Variants in C3orf20 observed in about 807,000 individuals in gnomAD.
C3orf20 encodes the protein family with sequence similarity 149 member C.
Under a neutral mutation model 88.3 loss-of-function variants are expected in C3orf20, and 76 were observed. That is an observed-to-expected ratio of 0.86 (90% CI 0.72 to 1.04). C3orf20 has a LOEUF of 1.04. Among genes scored for constraint, C3orf20 ranks in the 50% least tolerant of loss-of-function variants. C3orf20 has a pLI of 0.00. For synonymous variants in C3orf20, 436 were observed against 437.4 expected, an observed-to-expected ratio of 1.00 and a Z score of 0.04; for missense variants, 1,056 against 1,123.3, an observed-to-expected ratio of 0.94 and a Z score of 0.86.
chr3:14,760,356 A>C (rs1455747895), intron 14 of C3orf20, among the ~76,000 whole-genome samples: 1 of 152,208 alleles, frequency 6.6e-6, no homozygotes, highest in Non-Finnish European at 1.5e-5. Flanking sequence ...GAAAGCTTAG[A>C]AAATATAATT....
At chr3:14,686,399 A>T (rs2032434835) in intron 4 of C3orf20, among the ~76,000 whole-genome samples, 1 of 152,190 alleles carries the variant, frequency 6.6e-6, no homozygotes, top group Admixed American at 6.5e-5. Context: ...TAAATTTCAG[A>T]GGAACTCCAT....
chr3:14,731,457 C>T (rs948715326), intron 12 of C3orf20, among the ~76,000 whole-genome samples: 1 of 152,074 alleles, frequency 6.6e-6, no homozygotes, highest in African/African-American at 2.4e-5. Flanking sequence ...TGGAAGGACA[C>T]ATGATATGAT....
Position 14,757,497 on chromosome 3 carries a change from G to T in C3orf20, c.2067G>T (p.Ala689=). The part of the protein sequence containing the change: ...TRAGCKCLVK[A]PLVSDVELER... ...CTGGCTGCAAGTGCCTGGTGAAGGC[G>T]CCCCTGGTCTCTGACGTGGAGCTGG... Residue 689 remains alanine, a synonymous_variant, in exon 13 of 17, where the codon GCG becomes GCT. Coordinates refer to ENST00000253697, the MANE Select transcript of C3orf20 (RefSeq NM_032137.5). 6.2e-7 allele frequency: 1 copy of T among 1,613,858 alleles called. No individual in the cohort carries two copies. Among genetic ancestry groups the T allele is most frequent in the Non-Finnish European group, 8.5e-7 (1 of 1,179,996 alleles).
intron 15 of C3orf20, among the ~76,000 whole-genome samples, chr3:14,769,735 C>A (rs1226904689): frequency 6.6e-6 from 1 of 152,126 alleles, no homozygotes; most frequent in Non-Finnish European, 1.5e-5. Context: ...GGAGGACCAG[C>A]CCTCTGGTGG....
intron 12 of C3orf20, among the ~76,000 whole-genome samples, chr3:14,740,913 T>C (rs1033614422): frequency 2.1e-4 from 32 of 152,236 alleles, no homozygotes; most frequent in Admixed American, 1.1e-3. Context: ...TTGTACATTT[T>C]AATCATAGCT....
At chr3:14,725,902 C>T (rs2034329223) in intron 10 of C3orf20, among the ~76,000 whole-genome samples, 1 of 149,968 alleles carries the variant, frequency 6.7e-6, no homozygotes. Context: ...GGACCCAGGG[C>T]AGAAAGGACA....
chr3:14,697,067 T>C (rs1394528409), intron 5 of C3orf20, among the ~76,000 whole-genome samples: 1 of 152,186 alleles, frequency 6.6e-6, no homozygotes, highest in African/African-American at 2.4e-5. Flanking sequence ...TTGTATGTTA[T>C]TTGTTTCTTT....
chr3:14,746,530 TCTC>T, intron 12 of C3orf20, among the ~76,000 whole-genome samples: 1 of 152,348 alleles, frequency 6.6e-6, no homozygotes. Context: ...CATTTTCACA[TCTC>T]CTCCTCTTGG....
chr3:14,749,199 G>A (rs758231480), intron 12 of C3orf20, among the ~76,000 whole-genome samples: 8 of 152,074 alleles, frequency 5.3e-5, no homozygotes, highest in Non-Finnish European at 1.0e-4. Flanking sequence ...AATACATAAT[G>A]TCCTCATTTG....
In C3orf20 at chr3:14,731,860, T is replaced by A. The variant is rs560150963; in HGVS notation, c.1940+3172T>A. On this transcript the variant is annotated intron_variant, in intron 12 of 16. Transcript: ENST00000253697. ...TTAATTTTTTTGTGTATATAATACA[T>A]GGCATGGATGGGCAAAATTTGTTTA... 1.6e-4 allele frequency among the ~76,000 whole-genome samples: 24 copies of A among 152,326 alleles called. No individual in the cohort carries two copies. In the South Asian group the frequency reaches 2.9e-3, roughly 18 times the overall value.
intron 4 of C3orf20, among the ~76,000 whole-genome samples, chr3:14,688,990 G>A (rs2032582894): frequency 1.3e-5 from 2 of 152,042 alleles, no homozygotes; most frequent in South Asian, 4.2e-4. Flanking sequence ...TTTGTATAAT[G>A]TGCATTGTAA....
intron 15 of C3orf20, among the ~76,000 whole-genome samples, chr3:14,769,326 C>T (rs1313040161): frequency 6.6e-6 from 1 of 151,688 alleles, no homozygotes. Context: ...GGGGCTGGGG[C>T]AGGCAAGGGC....
intron 10 of C3orf20, 78 bp downstream of exon 10, chr3:14,721,862 C>G: frequency 6.4e-7 from 1 of 1,570,090 alleles, no homozygotes; most frequent in Non-Finnish European, 8.7e-7. Context: ...ATCTCAGGGC[C>G]TTTGCTCTTA....
intron 8 of C3orf20, among the ~76,000 whole-genome samples, chr3:14,714,902 T>C (rs960106658): frequency 3.3e-5 from 5 of 152,220 alleles, no homozygotes; most frequent in African/African-American, 1.2e-4. Context: ...CCACCATGTC[T>C]GGATTTGCCT....
chr3:14,689,940 G>T, intron 4 of C3orf20, 57 bp from the exon 5 acceptor site: 4 of 1,610,446 alleles, frequency 2.5e-6, no homozygotes, highest in Non-Finnish European at 2.5e-6. Context: ...TACATTTTTG[G>T]CTAATAAAAT....
intron 7 of C3orf20, among the ~76,000 whole-genome samples, chr3:14,705,705 T>G (rs1262969893): frequency 6.6e-6 from 1 of 152,190 alleles, no homozygotes; most frequent in Non-Finnish European, 1.5e-5. Context: ...CCACAAGGAC[T>G]CTGAGGCCAG....
At chr3:14,705,000 C>G (rs1360478638) in intron 7 of C3orf20, among the ~76,000 whole-genome samples, 3 of 152,174 alleles carry the variant, frequency 2.0e-5, no homozygotes, top group Non-Finnish European at 2.9e-5. Context: ...CAATTGGGAA[C>G]CTTCATCCTT....
At position 14,726,477 on chromosome 3, in the gene C3orf20, G is replaced by A. The variant is rs916756711; in HGVS notation, c.1567-424G>A. ...AAGGCTTTATCGTCCACTTACTCAC[G>A]AATGCAATAGCATTTACTGAGCACC... is the stretch of plus-strand genomic sequence containing the variant. On this transcript the variant is annotated intron_variant, in intron 10 of 16. Transcript: ENST00000253697. Among the ~76,000 whole-genome samples the A allele has an allele frequency of 7.2e-5, 11 of 152,314 alleles. No individual in the cohort carries two copies. The South Asian group carries it at 1.0e-3, about 14-fold the overall frequency.
At chr3:14,716,085 T>G (rs1045826980) in intron 9 of C3orf20, among the ~76,000 whole-genome samples, 3 of 152,218 alleles carry the variant, frequency 2.0e-5, no homozygotes, top group Non-Finnish European at 4.4e-5. Context: ...GGTATAACTG[T>G]GCATTGTAAG....
Sources: gnomAD v4.1 joint callset for allele counts (sites outside exome capture counted in the v4.1 genomes callset) on GRCh38, gnomAD v4.1.1 for gene constraint, MANE v1.5 for transcripts, NCBI Gene and HGNC (gene_info 2026-07-23, HGNC 2026-07-21) for gene names.